The following TRPC6 variants were observed in gnomAD, a reference collection of about 807,000 sequenced individuals.
The protein encoded by TRPC6 is short transient receptor potential channel 6.
TRPC6 carries 55 observed loss-of-function variants against 90.7 expected under a neutral mutation model. The ratio of observed to expected loss-of-function variants is 0.61; its 90% CI spans 0.49 to 0.76. TRPC6 has a LOEUF of 0.76. TRPC6 is among the 30% of genes least tolerant of loss of function. The probability of loss-of-function intolerance (pLI) is 0.00; values close to 1 mark genes in which losing one functional copy is unlikely to be tolerated. For missense variants in TRPC6, 989 were observed against 1,122.7 expected (o/e 0.88, Z 1.70); for synonymous variants, 393 against 393.0 (o/e 1.00, Z 0.00).
chr11:101,577,998 TTTCATTA>T (rs66930730), intron 1 of TRPC6, among the ~76,000 whole-genome samples: 53,306 of 151,638 alleles, frequency 0.35, 10,054 homozygotes, highest in Non-Finnish European at 0.44. Context: ...CCAGATGCTA[TTTCATTA>T]AAGTAGCTGG....
intron 10 of TRPC6, among the ~76,000 whole-genome samples, chr11:101,465,619 CTG>C (rs1329496784): frequency 1.3e-5 from 2 of 152,178 alleles, no homozygotes; most frequent in East Asian, 3.9e-4. Context: ...AGTTTTCGTG[CTG>C]TGTTTTTCAG....
intron 2 of TRPC6, among the ~76,000 whole-genome samples, chr11:101,492,848 T>C (rs1427982414): frequency 6.6e-6 from 1 of 152,164 alleles, no homozygotes; most frequent in East Asian, 1.9e-4. Flanking sequence ...TGAAGAACTT[T>C]ATATGGCAGG....
chr11:101,499,735 A>G (rs1391961528), intron 2 of TRPC6, among the ~76,000 whole-genome samples: 2 of 38,788 alleles, frequency 5.2e-5, no homozygotes, highest in East Asian at 6.7e-4. Flanking sequence ...GTATATGTGT[A>G]TATATATATA....
Position 101,504,100 on chromosome 11 carries a change from C to T in TRPC6, c.869G>A (p.Ser290Asn), listed in dbSNP as rs1404283777. 1 of 1,614,062 alleles carries T rather than the reference C, an allele frequency of 6.2e-7. No individual in the cohort carries two copies. The highest frequency in any genetic ancestry group is 1.7e-5 in the Admixed American group (1 of 60,014). Residue 290 changes from serine (S) to asparagine (N), a missense_variant, in exon 2 of 13, where the codon AGT (serine) becomes AAT (asparagine). Around this residue, in one of 4 missense-constraint regions of TRPC6, gnomAD observed 486 missense variants for 591.9 expected, o/e 0.82. Transcript: ENST00000344327. ...TAAAGCCGTCATGACTGGATCTTCA[C>T]TAGACAATGACAGGTAAGCCGGACT... ...LASPAYLSLSSEDPVMTALEL... is the reference protein window; with the variant it reads ...LASPAYLSLSNEDPVMTALEL...
At chr11:101,470,536 C>G (rs141955362) in intron 9 of TRPC6, among the ~76,000 whole-genome samples, 100 of 152,292 alleles carry the variant, frequency 6.6e-4, no homozygotes, top group Middle Eastern at 3.4e-3. Flanking sequence ...TAAGCCCTCA[C>G]CTTCCACCTC....
chr11:101,543,964 A>T (rs4608051), intron 1 of TRPC6, among the ~76,000 whole-genome samples: 39,565 of 152,094 alleles, frequency 0.26, 5,636 homozygotes, highest in East Asian at 0.4. Context: ...GAATGGGAGA[A>T]AAATTTTGCA....
At chr11:101,462,598 T>G (rs1014410986) in intron 10 of TRPC6, among the ~76,000 whole-genome samples, 2 of 152,192 alleles carry the variant, frequency 1.3e-5, no homozygotes, top group Non-Finnish European at 2.9e-5. Context: ...CACTCATGAT[T>G]TGGCTCTCTG....
intron 1 of TRPC6, among the ~76,000 whole-genome samples, chr11:101,548,472 ATATATCTCTCTCTCTCTCTCTG>A (rs1488171486): frequency 4.7e-5 from 2 of 42,830 alleles, no homozygotes; most frequent in Admixed American, 7.7e-4. Context: ...ATATATATAT[ATATATCTCTCTCTCTCTCTCTG>A]TCTCTCACAG....
At chr11:101,480,994 A>AT (rs1160467049) in intron 5 of TRPC6, among the ~76,000 whole-genome samples, 2 of 149,720 alleles carry the variant, frequency 1.3e-5, no homozygotes, top group African/African-American at 5.1e-5. Context: ...TTCACATTTT[A>AT]TGCCACTATC....
At chr11:101,531,344 T>C (rs1413305656) in intron 1 of TRPC6, among the ~76,000 whole-genome samples, 1 of 152,220 alleles carries the variant, frequency 6.6e-6, no homozygotes. Context: ...TAAATAACTT[T>C]GTCTTGGTAG....
chr11:101,468,999 C>T (rs982764607), intron 10 of TRPC6, among the ~76,000 whole-genome samples: 2 of 152,070 alleles, frequency 1.3e-5, no homozygotes, highest in East Asian at 3.9e-4. Flanking sequence ...TACACGGTGT[C>T]GACCACAATA....
At chr11:101,547,672 T>C (rs4754014) in intron 1 of TRPC6, among the ~76,000 whole-genome samples, 52,523 of 151,930 alleles carry the variant, frequency 0.35, 9,336 homozygotes, top group East Asian at 0.44. Context: ...GTAGAAGACA[T>C]ACTATGTTAA....
chr11:101,557,631 A>ACAC (rs372467472), intron 1 of TRPC6, among the ~76,000 whole-genome samples: 9 of 115,530 alleles, frequency 7.8e-5, no homozygotes, highest in African/African-American at 8.7e-5. Flanking sequence ...CACACACACA[A>ACAC]AAAAAAACCT....
At chr11:101,541,041 C>A (rs1861158038) in intron 1 of TRPC6, among the ~76,000 whole-genome samples, 1 of 152,064 alleles carries the variant, frequency 6.6e-6, no homozygotes, top group South Asian at 2.1e-4. Context: ...CGTAGGCTAA[C>A]AGAGTCAGGA....
intron 1 of TRPC6, among the ~76,000 whole-genome samples, chr11:101,571,062 A>G (rs185227592): frequency 8.7e-4 from 133 of 152,348 alleles, no homozygotes; most frequent in Middle Eastern, 3.4e-3. Context: ...TTCAATTTTG[A>G]AAACAGGAAG....
intron 1 of TRPC6, among the ~76,000 whole-genome samples, chr11:101,527,366 T>C (rs949836997): frequency 6.6e-6 from 1 of 152,188 alleles, no homozygotes; most frequent in Non-Finnish European, 1.5e-5. Context: ...CTAGGACACT[T>C]AATAATTTAA....
intron 1 of TRPC6, among the ~76,000 whole-genome samples, chr11:101,560,422 C>T (rs1197532065): frequency 1.3e-5 from 2 of 152,134 alleles, no homozygotes; most frequent in Non-Finnish European, 2.9e-5. Flanking sequence ...TGTCCCCAAC[C>T]CTCCTTTACA....
At chr11:101,496,037 G>A (rs779780269) in intron 2 of TRPC6, among the ~76,000 whole-genome samples, 11 of 151,976 alleles carry the variant, frequency 7.2e-5, no homozygotes, top group East Asian at 1.9e-4. Context: ...CAATCATGGC[G>A]GAAGGCAAAG....
At chr11:101,525,490 G>C (rs929371627) in intron 1 of TRPC6, among the ~76,000 whole-genome samples, 3 of 152,216 alleles carry the variant, frequency 2.0e-5, no homozygotes, top group African/African-American at 7.2e-5. Flanking sequence ...AACACTCATA[G>C]TTCTGGCTTG....
Sources: gnomAD v4.1 joint callset for allele counts (sites outside exome capture counted in the v4.1 genomes callset) on GRCh38, gnomAD v4.1.1 for gene constraint, gnomAD v4.1.1 regional missense constraint, MANE v1.5 for transcripts, NCBI Gene and HGNC (gene_info 2026-07-23, HGNC 2026-07-21) for gene names.